COL18A1: variants seen among roughly 807,000 people sequenced by gnomAD.
COL18A1 encodes collagen type XVIII alpha 1 chain.
Under a neutral mutation model 168.0 loss-of-function variants are expected in COL18A1, and 133 were observed. The observed-to-expected ratio is 0.79, with a 90% confidence interval of 0.69 to 0.91. COL18A1 has a LOEUF of 0.91. COL18A1 is among the 40% of genes least tolerant of loss of function. COL18A1 has a pLI of 0.00. For synonymous variants in COL18A1, 949 were observed against 809.0 expected, an observed-to-expected ratio of 1.17 and a Z score of -2.94; for missense variants, 2,126 against 1,925.4, an observed-to-expected ratio of 1.10 and a Z score of -1.95.
rs770390930 is a variant in COL18A1 at position 45,505,949 on chromosome 21, G to A, written c.3199G>A (p.Gly1067Arg). Residue 1067 changes from glycine to arginine, a missense_variant, in exon 37 of 42, where the codon GGG becomes AGG. Coordinates refer to ENST00000651438, the MANE Select transcript of COL18A1 (RefSeq NM_001379500.1). ...QEELYVRVQN[G>R]FRKVQLEART... The stretch of plus-strand genomic sequence containing the variant: ...GGAGCTCTACGTCCGCGTGCAGAAC[G>A]GGTTCCGGAAGGTCCAGGTGAGCGC... 44 of 1,613,104 alleles carry A rather than the reference G, an allele frequency of 2.7e-5. No homozygotes were observed. Among genetic ancestry groups the A allele is most frequent in the East Asian group, 1.3e-4 (6 of 44,894 alleles).
Position 45,428,391 on chromosome 21 carries a change from G to C in COL18A1, c.106+22918G>C, listed in dbSNP as rs549586894. ...GATCAGGAGACTTCAGTAGCAGCCAGGACCGAGGCCACCAGTTTCCACCCT... is the reference window on the plus strand; with the variant it reads ...GATCAGGAGACTTCAGTAGCAGCCACGACCGAGGCCACCAGTTTCCACCCT... On this transcript the variant is annotated intron_variant, in intron 2 of 41. Transcript: ENST00000651438. Among the ~76,000 whole-genome samples, 94 of 152,334 alleles carry C rather than the reference G, an allele frequency of 6.2e-4. 1 individual carries two copies. Among genetic ancestry groups the C allele is most frequent in the Middle Eastern group, 3.4e-3 (1 of 294 alleles).
intron 2 of COL18A1, among the ~76,000 whole-genome samples, chr21:45,446,733 AT>A (rs138790464): frequency 0.05 from 7,665 of 152,292 alleles, 290 homozygotes; most frequent in African/African-American, 0.1. Flanking sequence ...TATCTTACGA[AT>A]TATGGACACA....
chr21:45,434,327 C>T (rs2034043280), intron 2 of COL18A1, among the ~76,000 whole-genome samples: 1 of 152,176 alleles, frequency 6.6e-6, no homozygotes. Flanking sequence ...GGGACGGGCG[C>T]AGGAGCTCCT....
At chr21:45,476,131 G>A (rs531963714) in intron 5 of COL18A1, among the ~76,000 whole-genome samples, 10 of 150,294 alleles carry the variant, frequency 6.7e-5, no homozygotes, top group South Asian at 6.3e-4. Context: ...GACGGCAGGC[G>A]CGGTCCTGGG....
rs2033293052 is a variant in COL18A1 at position 45,411,662 on chromosome 21, AG to A, written c.106+6192del. The stretch of plus-strand genomic sequence containing the variant: ...CCCGGCGCTGTGAGTGAGCAGTCAT[AG>A]GGAACAGTGCACCCTTATCGCTGAC... On this transcript the variant is annotated intron_variant, in intron 2 of 41. Coordinates refer to ENST00000651438, the MANE Select transcript of COL18A1 (RefSeq NM_001379500.1). Among the ~76,000 whole-genome samples, 5 of 150,686 alleles carry A rather than the reference AG, an allele frequency of 3.3e-5. No individual in the cohort carries two copies. In the South Asian group the frequency reaches 1.1e-3, roughly 32 times the overall value.
In COL18A1 at chr21:45,457,245, C is replaced by T. The variant is rs894944029; in HGVS notation, c.107-10997C>T. Among the ~76,000 whole-genome samples the T allele has an allele frequency of 6.6e-6, 1 of 152,210 alleles. No individual in the cohort carries two copies. The highest frequency in any genetic ancestry group is 1.5e-5 in the Non-Finnish European group (1 of 68,026). On this transcript the variant is annotated intron_variant, in intron 2 of 41. Coordinates refer to ENST00000651438, the MANE Select transcript of COL18A1 (RefSeq NM_001379500.1). The surrounding 1 kb of genome is among the most constrained non-coding windows in gnomAD (Gnocchi z 4.6). ...CAGTGGCGTGACTCACCCCAGGGAG[C>T]CGAGATTCCCGCTCAGGTGTGGCTG...
chr21:45,476,575 T>G lies in COL18A1; in HGVS notation c.928+95T>G, dbSNP rs79633299. The G allele has an allele frequency of 0.19, 281,963 of 1,449,338 alleles. 28,031 individuals are homozygous for G. Among genetic ancestry groups the G allele is most frequent in the Admixed American group, 0.21 (10,696 of 50,786 alleles). 89.8% of individuals were successfully genotyped at this position (1,449,338 alleles called of 1,614,324 possible). On this transcript the variant is annotated intron_variant, in intron 6 of 41. Coordinates refer to ENST00000651438, the MANE Select transcript of COL18A1 (RefSeq NM_001379500.1). ...GATGGTGAGGTATGTGTGTGATGTA[T>G]GGTGTGTGTAGTGTGTGGTGTATAT... is the stretch of plus-strand genomic sequence containing the variant.
intron 7 of COL18A1, 73 bp downstream of exon 7, chr21:45,477,560 T>G: frequency 7.0e-7 from 1 of 1,421,996 alleles, no homozygotes; most frequent in South Asian, 1.2e-5. Flanking sequence ...CACTCACTGG[T>G]GAGCCCTGAT....
Position 45,490,867 on chromosome 21 carries a change from A to T in COL18A1, c.2063A>T (p.Glu688Val). The stretch of plus-strand genomic sequence containing the variant: ...AAGGGAGACAGAGGCAGCCGGGGAG[A>T]AAAGGTGAGTGTCCCTGGGGCGGGT... ...GPKGDRGSRG[E>V]KGDPGKDGVG... The change falls in exon 21 of 42, where the codon GAA becomes GTA. Residue 688 changes from glutamate to valine, a missense_variant. Transcript: ENST00000651438. 1 of 1,549,076 alleles carries T rather than the reference A, an allele frequency of 6.5e-7. No individual in the cohort carries two copies. Among genetic ancestry groups the T allele is most frequent in the Non-Finnish European group, 8.7e-7 (1 of 1,146,464 alleles).
chr21:45,455,371 C>T (rs1385652262), intron 2 of COL18A1: 2 of 999,004 alleles, frequency 2.0e-6, no homozygotes, highest in African/African-American at 3.2e-5. Flanking sequence ...GATTCCAAGG[C>T]TGGTGCCTTC....
chr21:45,487,780 GC>G (rs1241350936), intron 17 of COL18A1, among the ~76,000 whole-genome samples: 2 of 152,210 alleles, frequency 1.3e-5, no homozygotes, highest in African/African-American at 2.4e-5. Context: ...GGGGCCGCAT[GC>G]CCCCTGAAAG....
chr21:45,447,267 C>G (rs2034526072), intron 2 of COL18A1, among the ~76,000 whole-genome samples: 2 of 151,532 alleles, frequency 1.3e-5, no homozygotes, highest in Non-Finnish European at 2.9e-5. Flanking sequence ...GTTCTAACCT[C>G]TAAAAAGTTT....
At chr21:45,455,545 C>G in intron 2 of COL18A1, 1 of 1,613,426 alleles carries the variant, frequency 6.2e-7, no homozygotes, top group Non-Finnish European at 8.5e-7. Flanking sequence ...CTCCCTACCC[C>G]TGTGGCTGCC....
chr21:45,411,472 G>T (rs768020701), intron 2 of COL18A1, among the ~76,000 whole-genome samples: 3 of 152,100 alleles, frequency 2.0e-5, no homozygotes, highest in African/African-American at 7.2e-5. Flanking sequence ...GCGAGAGGCC[G>T]TGCCTGCCCG....
At chr21:45,421,816 C>A (rs2033632720) in intron 2 of COL18A1, among the ~76,000 whole-genome samples, 1 of 152,120 alleles carries the variant, frequency 6.6e-6, no homozygotes, top group East Asian at 1.9e-4. Flanking sequence ...AGGCTCAGGG[C>A]CCTGTGACAG....
intron 2 of COL18A1, among the ~76,000 whole-genome samples, chr21:45,432,704 G>T (rs1389969851): frequency 6.6e-6 from 1 of 152,262 alleles, no homozygotes; most frequent in Non-Finnish European, 1.5e-5. Flanking sequence ...CATTCCGTGG[G>T]TCCGTGGGCT....
intron 15 of COL18A1, among the ~76,000 whole-genome samples, chr21:45,485,603 CAAGTT>C (rs1602517580): frequency 6.6e-6 from 1 of 152,204 alleles, no homozygotes; most frequent in African/African-American, 2.4e-5. Flanking sequence ...AGTTAGCCCT[CAAGTT>C]AAGTGGGTGG....
intron 2 of COL18A1, among the ~76,000 whole-genome samples, chr21:45,418,720 T>C: frequency 6.7e-6 from 1 of 150,230 alleles, no homozygotes; most frequent in Non-Finnish European, 1.5e-5. Context: ...CCACCTCACG[T>C]CACTTCCTGG....
intron 37 of COL18A1, 157 bp downstream of exon 37, chr21:45,506,123 AT>A: frequency 1.7e-6 from 2 of 1,187,904 alleles, no homozygotes; most frequent in Non-Finnish European, 2.4e-6. Flanking sequence ...GTTTAGTAAA[AT>A]ACTTTTGTGA....
Sources: allele counts gnomAD v4.1 joint callset (sites outside exome capture counted in the v4.1 genomes callset), GRCh38; gene constraint gnomAD v4.1.1; non-coding constraint Gnocchi (gnomAD v3.1); transcripts MANE v1.5; gene names NCBI Gene and HGNC (gene_info 2026-07-23, HGNC 2026-07-21).